Variants in TMEFF1 observed in about 807,000 individuals in gnomAD.
The protein encoded by TMEFF1 is transmembrane protein with EGF like and two follistatin like domains 1.
In TMEFF1, 20 loss-of-function variants were observed where a neutral mutation model predicts 47.5. The observed-to-expected ratio is 0.42, with a 90% confidence interval of 0.30 to 0.61. The LOEUF (loss-of-function observed/expected upper bound fraction) is 0.61. TMEFF1 is among the 20% of genes least tolerant of loss of function. TMEFF1 has a pLI of 0.19. For synonymous variants in TMEFF1, 162 were observed against 166.3 expected, an observed-to-expected ratio of 0.97 and a Z score of 0.20; for missense variants, 411 against 471.1, an observed-to-expected ratio of 0.87 and a Z score of 1.18.
chr9:100,515,189 G>C (rs1838042530), intron 4 of TMEFF1, among the ~76,000 whole-genome samples: 1 of 152,098 alleles, frequency 6.6e-6, no homozygotes, highest in South Asian at 2.1e-4. Flanking sequence ...GAGGATGTAG[G>C]TTGACCATTT....
In TMEFF1 at chr9:100,558,830, TC is replaced by T. The variant is rs538213262; in HGVS notation, c.776-2566del. Among the ~76,000 whole-genome samples the T allele has an allele frequency of 1.8e-3, 269 of 152,230 alleles. 2 individuals carry two copies. The highest frequency in any genetic ancestry group is 6.4e-3 in the African/African-American group (264 of 41,558). On this transcript the variant is annotated intron_variant, in intron 7 of 9. Coordinates refer to ENST00000374879, the MANE Select transcript of TMEFF1 (RefSeq NM_003692.5). ...GTACTTATTGTTTGCCAGGCATTTT[TC>T]TAAGTTCTGTACACACTTACATACT... is the stretch of plus-strand genomic sequence containing the variant.
At chr9:100,529,612 G>C (rs1432513357) in intron 5 of TMEFF1, among the ~76,000 whole-genome samples, 1 of 151,986 alleles carries the variant, frequency 6.6e-6, no homozygotes, top group Non-Finnish European at 1.5e-5. Context: ...GTGACCTACA[G>C]AGAGACTTAG....
intron 1 of TMEFF1, among the ~76,000 whole-genome samples, chr9:100,477,343 A>G (rs987385861): frequency 3.9e-5 from 6 of 152,150 alleles, no homozygotes; most frequent in African/African-American, 1.4e-4. Flanking sequence ...CTGCTGTTCA[A>G]CATTTTCCCA....
At chr9:100,505,444 A>G (rs1458989207) in intron 2 of TMEFF1, among the ~76,000 whole-genome samples, 1 of 143,506 alleles carries the variant, frequency 7.0e-6, no homozygotes, top group Non-Finnish European at 1.5e-5. Context: ...AAAAAAAACA[A>G]CTAAAAGCAA....
intron 9 of TMEFF1, 65 bp from the exon 10 acceptor site, chr9:100,576,451 T>C: frequency 1.3e-6 from 2 of 1,576,642 alleles, no homozygotes; most frequent in Non-Finnish European, 1.7e-6. Context: ...TTGGAAACAT[T>C]TGAAATATCC....
Position 100,488,375 on chromosome 9 carries a change from G to A in TMEFF1, c.197-10390G>A, listed in dbSNP as rs373313002. Among the ~76,000 whole-genome samples the A allele has an allele frequency of 2.6e-5, 4 of 152,208 alleles. No individual in the cohort carries two copies. In the East Asian group the frequency reaches 5.8e-4, roughly 22 times the overall value. ...CTTTGGTTTTACAGAAAGTGCTGACGTTAACAATCTTGGACATAGGTTTTT... is the reference window on the plus strand; with the variant it reads ...CTTTGGTTTTACAGAAAGTGCTGACATTAACAATCTTGGACATAGGTTTTT... On this transcript the variant is annotated intron_variant, in intron 1 of 9. Coordinates refer to ENST00000374879, the MANE Select transcript of TMEFF1 (RefSeq NM_003692.5).
At chr9:100,522,130 T>C (rs1838172145) in intron 5 of TMEFF1, among the ~76,000 whole-genome samples, 1 of 152,222 alleles carries the variant, frequency 6.6e-6, no homozygotes, top group Admixed American at 6.5e-5. Context: ...CAATATATCC[T>C]CCTTTCTGGA....
At chr9:100,538,352 G>A (rs997211498) in intron 5 of TMEFF1, among the ~76,000 whole-genome samples, 3 of 152,154 alleles carry the variant, frequency 2.0e-5, no homozygotes, top group Admixed American at 6.5e-5. Flanking sequence ...CTCTGTGCCC[G>A]GCCAGAAACA....
intron 1 of TMEFF1, among the ~76,000 whole-genome samples, chr9:100,478,683 C>T (rs531616414): frequency 1.3e-5 from 2 of 151,472 alleles, no homozygotes; most frequent in Non-Finnish European, 2.9e-5. Flanking sequence ...TCCCAGTTAT[C>T]CAAAGAGAAA....
chr9:100,495,440 T>C (rs1224681245), intron 1 of TMEFF1, among the ~76,000 whole-genome samples: 1 of 151,740 alleles, frequency 6.6e-6, no homozygotes, highest in Non-Finnish European at 1.5e-5. Context: ...TTTTGTCCCC[T>C]GTCTCTTGAA....
chr9:100,516,495 G>C (rs574592361), intron 4 of TMEFF1, among the ~76,000 whole-genome samples, 180 bp from the exon 5 acceptor site: 4 of 152,154 alleles, frequency 2.6e-5, no homozygotes, highest in African/African-American at 9.7e-5. Flanking sequence ...CACAAAATAT[G>C]TTGTACTCAG....
intron 9 of TMEFF1, among the ~76,000 whole-genome samples, chr9:100,573,159 G>A (rs1441708396): frequency 6.6e-6 from 1 of 151,990 alleles, no homozygotes; most frequent in Non-Finnish European, 1.5e-5. Context: ...ATCTGCACAT[G>A]CATAGGAGAT....
At chr9:100,539,956 A>T (rs1003406035) in intron 5 of TMEFF1, among the ~76,000 whole-genome samples, 3 of 152,082 alleles carry the variant, frequency 2.0e-5, no homozygotes, top group Non-Finnish European at 4.4e-5. Context: ...CCCCTACCCA[A>T]TTAGCTACAC....
chr9:100,486,487 C>T (rs1837451699), intron 1 of TMEFF1, among the ~76,000 whole-genome samples: 1 of 152,172 alleles, frequency 6.6e-6, no homozygotes. Context: ...GATAATTGGT[C>T]CGCCTCGGGC....
At chr9:100,483,920 A>G (rs1322775330) in intron 1 of TMEFF1, among the ~76,000 whole-genome samples, 2 of 151,938 alleles carry the variant, frequency 1.3e-5, no homozygotes, top group Non-Finnish European at 2.9e-5. Flanking sequence ...TTAAACTTCC[A>G]CTTATAATGA....
At chr9:100,556,996 A>C (rs1022727339) in intron 7 of TMEFF1, among the ~76,000 whole-genome samples, 3 of 150,884 alleles carry the variant, frequency 2.0e-5, no homozygotes, top group African/African-American at 7.3e-5. Context: ...ACAGGTGTGC[A>C]CCCCATTCCC....
chr9:100,554,042 T>C (rs758567643), intron 7 of TMEFF1, among the ~76,000 whole-genome samples: 14 of 152,202 alleles, frequency 9.2e-5, no homozygotes, highest in Non-Finnish European at 1.6e-4. Flanking sequence ...CCACCCTTTT[T>C]ATTATTATGA....
At position 100,473,574 on chromosome 9, in the gene TMEFF1, C is replaced by G. The variant is rs1837160294; in HGVS notation, c.30C>G (p.Leu10=). 2 of 1,544,990 alleles carry G rather than the reference C, an allele frequency of 1.3e-6. No individual in the cohort carries two copies. Among genetic ancestry groups the G allele is most frequent in the African/African-American group, 1.4e-5 (1 of 71,422 alleles). The change falls in exon 1 of 10, where the codon CTC becomes CTG. Residue 10 remains leucine, a synonymous_variant. Transcript: ENST00000374879. This position sits in a 1 kb window ranked among gnomAD's most constrained non-coding sequence, Gnocchi z 5.4. The stretch of plus-strand genomic sequence containing the variant: ...GCGCCGCAGCCGCTGAGGCGCCGCT[C>G]CGGCTGCCTGCCGCGCCTCCGCTCG... The part of the protein sequence containing the change: MGAAAAEAP[L]RLPAAPPLAF...
rs1017941644 is a variant in TMEFF1, at chr9:100,500,110, G to A, written c.306+1236G>A. ...CCATAGAGCTCTGCATAGCATGGAA[G>A]GTGACTTTAGCCAGAATGAAATGAG... On this transcript the variant is annotated intron_variant, in intron 2 of 9. Coordinates refer to ENST00000374879, the MANE Select transcript of TMEFF1 (RefSeq NM_003692.5). Among the ~76,000 whole-genome samples, 3 of 152,180 alleles carry A rather than the reference G, an allele frequency of 2.0e-5. No individual in the cohort carries two copies. The South Asian group carries it at 6.2e-4, about 32-fold the overall frequency.
Sources: allele counts gnomAD v4.1 joint callset (sites outside exome capture counted in the v4.1 genomes callset), GRCh38; gene constraint gnomAD v4.1.1; non-coding constraint Gnocchi (gnomAD v3.1); transcripts MANE v1.5; gene names NCBI Gene and HGNC (gene_info 2026-07-23, HGNC 2026-07-21).